The following ARHGAP17 variants were observed in gnomAD, a reference collection of about 807,000 sequenced individuals.
ARHGAP17 encodes rho GTPase-activating protein 17.
Under a neutral mutation model 99.5 loss-of-function variants are expected in ARHGAP17, and 57 were observed. The observed-to-expected ratio is 0.57, with a 90% CI of 0.46 to 0.71. The LOEUF (loss-of-function observed/expected upper bound fraction) is 0.71, where lower values mean the gene tolerates loss of function less well. Ranked by LOEUF, ARHGAP17 falls within the 30% of genes least tolerant of loss-of-function variation. ARHGAP17 has a pLI of 0.00. For synonymous variants in ARHGAP17, 417 were observed against 429.6 expected, an observed-to-expected ratio of 0.97 and a Z score of 0.36; for missense variants, 1,000 against 1,122.4, an observed-to-expected ratio of 0.89 and a Z score of 1.56.
chr16:24,944,776 C>T (rs1444358786), intron 14 of ARHGAP17, among the ~76,000 whole-genome samples: 2 of 151,928 alleles, frequency 1.3e-5, no homozygotes, highest in Admixed American at 6.6e-5. Context: ...GCCACCGCGC[C>T]CAGCTAATTT....
intron 3 of ARHGAP17, chr16:24,972,554 C>G (rs2052398441): frequency 6.6e-6 from 1 of 152,164 alleles, no homozygotes; most frequent in South Asian, 2.1e-4. Context: ...TGCCCCATTT[C>G]TGGACAAGGA....
At chr16:24,943,316 C>T (rs1453994708) in intron 15 of ARHGAP17, among the ~76,000 whole-genome samples, 1 of 152,232 alleles carries the variant, frequency 6.6e-6, no homozygotes, top group Admixed American at 6.5e-5. Context: ...AAGCCCTCTT[C>T]CAAGTGAAAA....
At chr16:24,965,693 C>G (rs1460280410) in intron 6 of ARHGAP17, among the ~76,000 whole-genome samples, 1 of 152,180 alleles carries the variant, frequency 6.6e-6, no homozygotes, top group Non-Finnish European at 1.5e-5. Context: ...AAGTTTGGAG[C>G]TCAGCTTTAT....
At chr16:24,964,428 T>C (rs2141288757) in intron 6 of ARHGAP17, 120 bp from the exon 7 acceptor site, 3 of 696,402 alleles carry the variant, frequency 4.3e-6, no homozygotes, top group South Asian at 1.9e-5. Context: ...AGGGGTATCA[T>C]TGCCCAGGAT....
Position 24,939,464 on chromosome 16 carries a change from G to T in ARHGAP17, c.1624C>A (p.Pro542Thr), listed in dbSNP as rs780829391. The change falls in exon 17 of 20, where the codon CCC becomes ACC. Residue 542 changes from proline to threonine, a missense_variant. By Grantham distance (38) the Pro-to-Thr change is conservative (BLOSUM62 -1). This residue lies in a region of ARHGAP17 where 528 missense variants were observed against 511.4 expected (regional missense o/e 1.03). Coordinates refer to ENST00000289968, the MANE Select transcript of ARHGAP17 (RefSeq NM_001006634.3). ...TCAGCCCTAGAGCTCTGGGGAGGGG[G>T]CTCTGGGCCAGCGGGCACCACGGTG... ...GSTVVPAGPEPPPQSSRAESS... is the reference protein window; with the variant it reads ...GSTVVPAGPETPPQSSRAESS... The T allele has an allele frequency of 1.9e-6, 3 of 1,611,158 alleles. No individual in the cohort carries two copies. The highest frequency in any genetic ancestry group is 2.5e-6 in the Non-Finnish European group (3 of 1,179,240).
rs1177614713 is a variant in ARHGAP17, at chr16:24,950,836, C to CAAAAAAAAAAAAAAAA, written c.1047-1368_1047-1353dup. ...TGGGCGACAGAGTGGGACTCCAACTCAAAAAAAAAAAAAAAAAAAAAAGAA... is the reference window on the plus strand; with the variant it reads ...TGGGCGACAGAGTGGGACTCCAACTCAAAAAAAAAAAAAAAAAAAAAAAAAAAAAAAAAAAAAAGAA... On this transcript the variant is annotated intron_variant, in intron 12 of 19. Coordinates refer to ENST00000289968, the MANE Select transcript of ARHGAP17 (RefSeq NM_001006634.3). 5.4e-3 allele frequency among the ~76,000 whole-genome samples: 213 copies of CAAAAAAAAAAAAAAAA among 39,408 alleles called. 7 individuals carry two copies. Among genetic ancestry groups the CAAAAAAAAAAAAAAAA allele is most frequent in the African/African-American group, 0.017 (158 of 9,518 alleles). The allele number at this position is 39,408 out of a possible 152,430, so 25.9% of individuals were successfully genotyped here.
chr16:24,947,728 A>G, intron 13 of ARHGAP17, 133 bp from the exon 14 acceptor site: 1 of 668,650 alleles, frequency 1.5e-6, no homozygotes, highest in Admixed American at 2.6e-5. Flanking sequence ...AATCTGGCTC[A>G]GGTGAAGCAT....
intron 19 of ARHGAP17, 84 bp from the exon 20 acceptor site, chr16:24,920,344 G>T: frequency 8.4e-6 from 13 of 1,551,722 alleles, no homozygotes; most frequent in Non-Finnish European, 1.1e-5. Flanking sequence ...AAGAAGAGAG[G>T]CTGGGAAGTT....
intron 19 of ARHGAP17, among the ~76,000 whole-genome samples, chr16:24,928,307 G>T (rs924294367): frequency 1.3e-5 from 2 of 152,126 alleles, no homozygotes; most frequent in African/African-American, 4.8e-5. Context: ...TGGTAACCTG[G>T]AATTTCTTGA....
At chr16:25,013,806 A>AT (rs1246786738) in intron 1 of ARHGAP17, 2 of 152,204 alleles carry the variant, frequency 1.3e-5, no homozygotes, top group Admixed American at 6.5e-5. Flanking sequence ...GGCACTTACT[A>AT]AATACTAGTT....
intron 1 of ARHGAP17, among the ~76,000 whole-genome samples, chr16:25,003,261 G>A (rs1319020206): frequency 3.6e-5 from 5 of 138,146 alleles, no homozygotes; most frequent in Non-Finnish European, 6.2e-5. Flanking sequence ...TTGAGACAGG[G>A]TCTCACTCTG....
At chr16:24,969,047 T>G (rs914399419) in intron 4 of ARHGAP17, among the ~76,000 whole-genome samples, 2 of 152,180 alleles carry the variant, frequency 1.3e-5, no homozygotes, top group African/African-American at 4.8e-5. Context: ...AGAATTAAAT[T>G]CTCAAGTCAG....
intron 1 of ARHGAP17, among the ~76,000 whole-genome samples, chr16:24,987,950 A>C (rs1392223373): frequency 6.6e-6 from 1 of 152,218 alleles, no homozygotes; most frequent in Non-Finnish European, 1.5e-5. Flanking sequence ...ACATTACTGC[A>C]TGCAACATGA....
chr16:24,952,248 A>G, intron 12 of ARHGAP17, 41 bp downstream of exon 12: 1 of 1,497,902 alleles, frequency 6.7e-7, no homozygotes, highest in Non-Finnish European at 9.2e-7. Context: ...ATATCACTTC[A>G]TTCCCTTTAA....
chr16:24,927,067 T>G (rs1440955495), intron 19 of ARHGAP17, among the ~76,000 whole-genome samples: 1 of 152,060 alleles, frequency 6.6e-6, no homozygotes, highest in African/African-American at 2.4e-5. Flanking sequence ...GGTCAGGAGT[T>G]CGAGACCAGC....
intron 1 of ARHGAP17, among the ~76,000 whole-genome samples, chr16:25,004,920 A>G (rs140045732): frequency 6.6e-5 from 10 of 152,212 alleles, no homozygotes; most frequent in South Asian, 2.1e-4. Flanking sequence ...TGAACTGAAT[A>G]TTGTTTGTTT....
At chr16:24,952,262 T>C (rs2051667623) in intron 12 of ARHGAP17, 27 bp downstream of exon 12, 1 of 1,563,720 alleles carries the variant, frequency 6.4e-7, no homozygotes, top group Non-Finnish European at 8.8e-7. Flanking sequence ...CCTTTAACAT[T>C]TACAACTCTG....
intron 19 of ARHGAP17, among the ~76,000 whole-genome samples, chr16:24,922,672 T>TA (rs200124170): frequency 1.1e-4 from 16 of 149,158 alleles, no homozygotes; most frequent in South Asian, 6.4e-4. Flanking sequence ...TAGCTAACAT[T>TA]AAAAAAAAAA....
At chr16:24,956,995 T>A (rs1766718844) in intron 9 of ARHGAP17, 1 of 152,098 alleles carries the variant, frequency 6.6e-6, no homozygotes, top group African/African-American at 2.4e-5. Context: ...TGAGGGGCAA[T>A]CAGCTGAGAA....
Sources: gnomAD v4.1 joint callset for allele counts (sites outside exome capture counted in the v4.1 genomes callset) on GRCh38, gnomAD v4.1.1 for gene constraint, gnomAD v4.1.1 regional missense constraint, MANE v1.5 for transcripts, NCBI Gene and HGNC (gene_info 2026-07-23, HGNC 2026-07-21) for gene names.